SLC35F4: variants seen among roughly 807,000 people sequenced by gnomAD.
SLC35F4 encodes solute carrier family 35 member F4.
In SLC35F4, 24 loss-of-function variants were observed where a neutral mutation model predicts 44.2. The observed-to-expected ratio is 0.54, with a 90% CI of 0.39 to 0.76. The LOEUF (loss-of-function observed/expected upper bound fraction) is 0.76. Ranked by LOEUF, SLC35F4 falls within the 30% of genes least tolerant of loss-of-function variation. The pLI, the probability that SLC35F4 is intolerant of heterozygous loss-of-function variation, is 0.00. For synonymous variants in SLC35F4, 238 were observed against 223.6 expected, an observed-to-expected ratio of 1.06 and a Z score of -0.57; for missense variants, 562 against 586.1, an observed-to-expected ratio of 0.96 and a Z score of 0.42.
At chr14:57,865,580 C>A in intron 1 of SLC35F4, 143 bp downstream of exon 1, 1 of 634,032 alleles carries the variant, frequency 1.6e-6, no homozygotes, top group South Asian at 2.2e-5. Flanking sequence ...CGGGGGGTCC[C>A]CGCCGCCAGG....
rs149948615 is a variant in SLC35F4, at chr14:57,624,937, A to C, written c.104-30813T>G. On this transcript the variant is annotated intron_variant, in intron 1 of 7. Coordinates refer to ENST00000556826, the MANE Select transcript of SLC35F4 (RefSeq NM_001306087.2). ...TCTCACCACTCCTATTCAACATACT[A>C]TTGGAAGTTCTGGCCAGGGCAATCA... Among the ~76,000 whole-genome samples the C allele has an allele frequency of 5.6e-3, 860 of 152,234 alleles. 1 individual carries two copies. The highest frequency in any genetic ancestry group is 9.5e-3 in the Non-Finnish European group (647 of 67,994).
upstream of SLC35F4, among the ~76,000 whole-genome samples, chr14:57,870,731 C>T (rs1023848183): frequency 6.6e-6 from 1 of 152,186 alleles, no homozygotes; most frequent in African/African-American, 2.4e-5. Flanking sequence ...TAATTTTCTT[C>T]TCCTAGCCCT....
At chr14:57,616,709 T>G (rs971088312) in intron 1 of SLC35F4, among the ~76,000 whole-genome samples, 2 of 152,188 alleles carry the variant, frequency 1.3e-5, no homozygotes, top group African/African-American at 4.8e-5. Flanking sequence ...TTCCCTTTAC[T>G]TGTTGCTTTG....
chr14:57,929,356 C>T (rs1256729815), intron 1 of SLC35F4, among the ~76,000 whole-genome samples: 1 of 151,988 alleles, frequency 6.6e-6, no homozygotes, highest in Non-Finnish European at 1.5e-5. Context: ...TTCTTCTAAA[C>T]ATTTTAGAAG....
intron 1 of SLC35F4, among the ~76,000 whole-genome samples, chr14:57,716,520 T>G (rs551607600): frequency 6.6e-6 from 1 of 152,326 alleles, no homozygotes; most frequent in East Asian, 1.9e-4. Flanking sequence ...TTAATTTTTC[T>G]GGTCTAAACT....
At chr14:57,568,906 C>T (rs1594880644) in intron 6 of SLC35F4, among the ~76,000 whole-genome samples, 1 of 152,196 alleles carries the variant, frequency 6.6e-6, no homozygotes, top group African/African-American at 2.4e-5. Context: ...GGATGAGCAA[C>T]AACATTGGGT....
intron 1 of SLC35F4, among the ~76,000 whole-genome samples, chr14:57,861,605 T>C (rs1887683450): frequency 6.6e-6 from 1 of 152,220 alleles, no homozygotes; most frequent in South Asian, 2.1e-4. Flanking sequence ...ATCCATTTTA[T>C]CTATCCTTAT....
chr14:57,816,327 C>G (rs1184770364), intron 1 of SLC35F4, among the ~76,000 whole-genome samples: 1 of 152,120 alleles, frequency 6.6e-6, no homozygotes, highest in Non-Finnish European at 1.5e-5. Context: ...AAAAGCAAAT[C>G]AAGTACTGCA....
At chr14:57,584,050 TATA>T (rs1380006269) in intron 3 of SLC35F4, among the ~76,000 whole-genome samples, 2 of 23,180 alleles carry the variant, frequency 8.6e-5, no homozygotes, top group East Asian at 0.01. Flanking sequence ...AAGCATATTT[TATA>T]GTAAGCATAT....
At chr14:57,721,894 C>A (rs907454623) in intron 1 of SLC35F4, among the ~76,000 whole-genome samples, 1 of 152,074 alleles carries the variant, frequency 6.6e-6, no homozygotes, top group Non-Finnish European at 1.5e-5. Flanking sequence ...TGATGGCCCC[C>A]CCTGAGGCAG....
At chr14:57,896,604 C>T (rs2141042498) in intron 1 of SLC35F4, among the ~76,000 whole-genome samples, 1 of 152,118 alleles carries the variant, frequency 6.6e-6, no homozygotes, top group South Asian at 2.1e-4. Flanking sequence ...AGCTCTTTAT[C>T]TTATGTAAAA....
chr14:57,962,455 C>A (rs1890356626), intron 1 of SLC35F4, among the ~76,000 whole-genome samples: 1 of 152,146 alleles, frequency 6.6e-6, no homozygotes, highest in African/African-American at 2.4e-5. Flanking sequence ...AGATTCTCGG[C>A]CCTGCCTCAA....
intron 1 of SLC35F4, among the ~76,000 whole-genome samples, chr14:57,907,802 T>C (rs910058660): frequency 6.6e-6 from 1 of 151,930 alleles, no homozygotes; most frequent in Admixed American, 6.5e-5. Flanking sequence ...CAGGATACTT[T>C]TAAAAATAAT....
intron 1 of SLC35F4, among the ~76,000 whole-genome samples, chr14:57,953,447 G>A (rs574679333): frequency 6.6e-6 from 1 of 152,282 alleles, no homozygotes; most frequent in South Asian, 2.1e-4. Context: ...GACCTTAAAT[G>A]TAAACAGTCT....
chr14:57,855,566 T>C (rs1016048053), intron 1 of SLC35F4, among the ~76,000 whole-genome samples: 1 of 152,092 alleles, frequency 6.6e-6, no homozygotes, highest in Non-Finnish European at 1.5e-5. Flanking sequence ...TCTGGAGAAA[T>C]AGGAATGCTT....
chr14:57,923,662 T>C (rs1474618102), intron 1 of SLC35F4, among the ~76,000 whole-genome samples: 1 of 152,230 alleles, frequency 6.6e-6, no homozygotes, highest in East Asian at 1.9e-4. Context: ...CTTCTCTCTC[T>C]CCTGTTCCCT....
chr14:57,870,254 C>G (rs557078612), upstream of SLC35F4, among the ~76,000 whole-genome samples: 6 of 141,934 alleles, frequency 4.2e-5, no homozygotes, highest in South Asian at 1.2e-3. Context: ...GTATGTTTCT[C>G]TCTGTCTCTG....
upstream of SLC35F4, among the ~76,000 whole-genome samples, chr14:57,866,641 T>C (rs763362590): frequency 3.9e-5 from 6 of 152,192 alleles, no homozygotes; most frequent in Non-Finnish European, 8.8e-5. Flanking sequence ...TGTCAAAGGC[T>C]TAGAAGATTC....
chr14:57,732,962 G>C (rs913317478), intron 1 of SLC35F4, among the ~76,000 whole-genome samples: 4 of 152,020 alleles, frequency 2.6e-5, no homozygotes, highest in Non-Finnish European at 4.4e-5. Flanking sequence ...TTGAAGAAAA[G>C]GATATGAATT....
Sources: gnomAD v4.1 joint callset for allele counts (sites outside exome capture counted in the v4.1 genomes callset) on GRCh38, gnomAD v4.1.1 for gene constraint, MANE v1.5 for transcripts, NCBI Gene and HGNC (gene_info 2026-07-23, HGNC 2026-07-21) for gene names.